Variants in RNH1 observed in about 807,000 individuals in gnomAD.
The protein encoded by RNH1 is ribonuclease/angiogenin inhibitor 1, also known as ribonuclease inhibitor.
Under a neutral mutation model 46.1 loss-of-function variants are expected in RNH1, and 38 were observed. The ratio of observed to expected loss-of-function variants is 0.82; its 90% confidence interval spans 0.64 to 1.08. The LOEUF is 1.08. Among genes scored for constraint, RNH1 ranks in the 50% least tolerant of loss-of-function variants. The pLI, the probability that RNH1 is intolerant of heterozygous loss-of-function variation, is 0.00. For missense variants in RNH1, 577 were observed against 590.7 expected, an observed-to-expected ratio of 0.98 and a Z score of 0.24; for synonymous variants, 319 against 279.1, an observed-to-expected ratio of 1.14 and a Z score of -1.43.
rs1355248059 is a variant in RNH1, at chr11:500,922, A to C, written c.102-268T>G. On this transcript the variant is annotated intron_variant, in intron 3 of 10. Transcript: ENST00000354420. ...GGCAGGCAGATCACCTGAGGTCGGG[A>C]GTTCAAGACCAACCTGACCAACATG... 7.3e-6 allele frequency: 4 copies of C among 544,316 alleles called. No individual in the cohort carries two copies. The African/African-American group carries it at 7.5e-5, about 10-fold the overall frequency. 33.7% of individuals were successfully genotyped at this position (544,316 alleles called of 1,614,324 possible).
chr11:495,318 G>A (rs1415605309), intron 9 of RNH1, among the ~76,000 whole-genome samples: 1 of 152,170 alleles, frequency 6.6e-6, no homozygotes, highest in African/African-American at 2.4e-5. Flanking sequence ...GGAGAGAGAT[G>A]TCGTCCACCC....
chr11:495,076 CAG>C (rs1848934415), intron 9 of RNH1, 23 bp from the exon 10 acceptor site: 6 of 1,596,622 alleles, frequency 3.8e-6, no homozygotes, highest in Non-Finnish European at 1.7e-6. Context: ...GGGCGGGGGT[CAG>C]GGTGCCGGGC....
At position 498,863 on chromosome 11, in the gene RNH1, G is replaced by A. The variant is rs948460469; in HGVS notation, c.685C>T (p.Leu229=). Reference sequence around the variant, plus strand: ...TTGCTGCCCAGGGCCAGCTCCCGCAGCGAGGCCTTGGAGGCCACAATGCCG... The same window carrying A: ...TTGCTGCCCAGGGCCAGCTCCCGCAACGAGGCCTTGGAGGCCACAATGCCG... ...LCGIVASKAS[L]RELALGSNKL... The change falls in exon 7 of 11, where the codon CTG becomes TTG. Residue 229 remains leucine (L), a synonymous_variant. Transcript: ENST00000354420. 4 of 1,612,122 alleles carry A rather than the reference G, an allele frequency of 2.5e-6. No homozygotes were observed. In the East Asian group the frequency reaches 6.7e-5, roughly 27 times the overall value.
In RNH1 at chr11:499,029, C is replaced by T. The variant is rs1849447459; in HGVS notation, c.600G>A (p.Gln200=). Residue 200 remains glutamine, a synonymous_variant, in exon 6 of 11, where the codon CAG becomes CAA. Coordinates refer to ENST00000354420, the MANE Select transcript of RNH1 (RefSeq NM_203387.3). ...LCQGLKDSPC[Q]LEALKLESCG... ...CCAGTGCCTACTTGAGCGCCTCCAG[C>T]TGGCAGGGGGAGTCCTTCAGGCCCT... The T allele has an allele frequency of 6.2e-7, 1 of 1,613,188 alleles. No individual in the cohort carries two copies. Among genetic ancestry groups the T allele is most frequent in the South Asian group, 1.1e-5 (1 of 91,082 alleles).
intron 9 of RNH1, among the ~76,000 whole-genome samples, chr11:496,897 T>C (rs775220233): frequency 6.6e-6 from 1 of 152,258 alleles, no homozygotes; most frequent in Non-Finnish European, 1.5e-5. Context: ...TCCAGGAAGA[T>C]GGACCACAGG....
intron 9 of RNH1, among the ~76,000 whole-genome samples, chr11:496,881 G>A (rs1849119243): frequency 6.6e-6 from 1 of 152,274 alleles, no homozygotes; most frequent in Non-Finnish European, 1.5e-5. Flanking sequence ...AAAGGTGGGC[G>A]GGGCTTCCAG....
chr11:499,806 C>A, intron 5 of RNH1, 23 bp downstream of exon 5: 3 of 1,596,734 alleles, frequency 1.9e-6, no homozygotes, highest in Non-Finnish European at 2.6e-6. Flanking sequence ...CAGCATGGGC[C>A]CTGGGGCAGG....
At chr11:497,117 ACT>A (rs993387399) in intron 9 of RNH1, among the ~76,000 whole-genome samples, 2 of 128,088 alleles carry the variant, frequency 1.6e-5, no homozygotes, top group Non-Finnish European at 3.3e-5. Context: ...TCACGTGCTC[ACT>A]CGCCCATGTG....
chr11:499,780 G>C, intron 5 of RNH1, 49 bp downstream of exon 5: 1 of 1,579,100 alleles, frequency 6.3e-7, no homozygotes, highest in Non-Finnish European at 8.6e-7. Context: ...GGGCTGGCTG[G>C]GGGACAGGCA....
At chr11:499,391 C>T in intron 5 of RNH1, 1 of 671,704 alleles carries the variant, frequency 1.5e-6, no homozygotes, top group Admixed American at 2.2e-5. Flanking sequence ...CCCTCACCCC[C>T]TCCCGGACCT....
Position 502,493 on chromosome 11 carries a change from C to A in RNH1, c.-87-244G>T. The stretch of plus-strand genomic sequence containing the variant: ...GCCTCTGTGGGCACCTCCTCCTGCC[C>A]CACAGAGGGCGGGACAGCAGCAGCC... On this transcript the variant is annotated intron_variant, in intron 2 of 10. Coordinates refer to ENST00000354420, the MANE Select transcript of RNH1 (RefSeq NM_203387.3). The surrounding 1 kb of genome is among the most constrained non-coding windows in gnomAD (Gnocchi z 5.8). 2.4e-6 allele frequency: 1 copy of A among 412,288 alleles called. No homozygotes were observed. The highest frequency in any genetic ancestry group is 3.6e-5 in the Admixed American group (1 of 27,446). 25.5% of individuals were successfully genotyped at this position (412,288 alleles called of 1,614,324 possible).
chr11:497,555 G>A (rs548710387), intron 9 of RNH1, among the ~76,000 whole-genome samples: 17 of 76,472 alleles, frequency 2.2e-4, no homozygotes, highest in Middle Eastern at 9.4e-3. Context: ...TCACTCTCAC[G>A]TGCTCACACA....
chr11:495,118 AGGCCTG>A, intron 9 of RNH1, 65 bp from the exon 10 acceptor site: 1 of 1,523,536 alleles, frequency 6.6e-7, no homozygotes. Context: ...CCGGCAGAGC[AGGCCTG>A]GGCCTGGGGG....
rs555054375 is a variant in RNH1, at chr11:504,934, G to T, written c.-198C>A. ...CTGTGAGGACGGGTTTTGGAGCGCC[G>T]CTCGGCCGTCCTCAAAACTTTGGAC... is the stretch of plus-strand genomic sequence containing the variant. On this transcript the variant is annotated 5_prime_UTR_variant, in exon 2 of 11. Coordinates refer to ENST00000354420, the MANE Select transcript of RNH1 (RefSeq NM_203387.3). 4 of 152,192 alleles carry T rather than the reference G, an allele frequency of 2.6e-5. No individual in the cohort carries two copies. Among genetic ancestry groups the T allele is most frequent in the Non-Finnish European group, 5.9e-5 (4 of 68,026 alleles). 9.4% of individuals were successfully genotyped at this position (152,192 alleles called of 1,614,324 possible).
chr11:498,674 G>A (rs1272575780), intron 7 of RNH1, 47 bp from the exon 8 acceptor site: 1 of 1,605,234 alleles, frequency 6.2e-7, no homozygotes, highest in East Asian at 2.2e-5. Flanking sequence ...CCGTCTCATG[G>A]CCTGAGATGA....
In RNH1 at chr11:500,550, C is replaced by G. The variant is rs1849654891; in HGVS notation, c.206G>C (p.Gly69Ala). ...AELNLRSNEL[G>A]DVGVHCVLQG... ...GAGCACGCAATGCACGCCGACATCG[C>G]CCAGCTCGTTGCTGCGCAGGTTGAG... Residue 69 changes from glycine to alanine, a missense_variant, in exon 4 of 11, where the codon GGC becomes GCC. Transcript: ENST00000354420. 1 of 1,610,870 alleles carries G rather than the reference C, an allele frequency of 6.2e-7. No individual in the cohort carries two copies. The highest frequency in any genetic ancestry group is 1.3e-5 in the African/African-American group (1 of 74,940).
chr11:497,826 C>A (rs370174294), intron 9 of RNH1, 145 bp downstream of exon 9: 395 of 946,592 alleles, frequency 4.2e-4, no homozygotes, highest in Non-Finnish European at 3.5e-4. Context: ...TGCTCACACA[C>A]GTGCTCACAC....
At chr11:497,219 T>TCATGCTCA (rs1849191811) in intron 9 of RNH1, among the ~76,000 whole-genome samples, 1 of 104,214 alleles carries the variant, frequency 9.6e-6, no homozygotes, top group African/African-American at 4.5e-5. Flanking sequence ...GCTCACGTAC[T>TCATGCTCA]CTCGCCCATG....
Position 499,061 on chromosome 11 carries a change from G to A in RNH1, c.568C>T (p.Leu190=). 1.2e-6 allele frequency: 2 copies of A among 1,613,388 alleles called. No individual in the cohort carries two copies. Among genetic ancestry groups the A allele is most frequent in the Non-Finnish European group, 1.7e-6 (2 of 1,179,976 alleles). The change falls in exon 6 of 11, where the codon CTG becomes TTG. Residue 190 remains leucine (L), a synonymous_variant. Coordinates refer to ENST00000354420, the MANE Select transcript of RNH1 (RefSeq NM_203387.3). ...GGGGAGTCCTTCAGGCCCTGGCACAGCACACGGACGCCAGCCTCATTGATG... is the reference window on the plus strand; with the variant it reads ...GGGGAGTCCTTCAGGCCCTGGCACAACACACGGACGCCAGCCTCATTGATG... ...NDINEAGVRV[L]CQGLKDSPCQ... is the part of the protein sequence containing the mutation.
Sources: gnomAD v4.1 joint callset for allele counts (sites outside exome capture counted in the v4.1 genomes callset) on GRCh38, gnomAD v4.1.1 for gene constraint, Gnocchi (gnomAD v3.1) non-coding constraint, MANE v1.5 for transcripts, NCBI Gene and HGNC (gene_info 2026-07-23, HGNC 2026-07-21) for gene names.